The following MFN2 variants were observed in gnomAD, a reference collection of about 807,000 sequenced individuals.
MFN2 encodes mitofusin-2.
A neutral mutation model predicts 87.5 loss-of-function variants in MFN2; 43 were observed. The ratio of observed to expected loss-of-function variants is 0.49; its 90% CI spans 0.38 to 0.63. The LOEUF (loss-of-function observed/expected upper bound fraction) is 0.63. MFN2 is among the 30% of genes least tolerant of loss of function. The pLI, the probability that MFN2 is intolerant of heterozygous loss-of-function variation, is 0.00. For missense variants in MFN2, 743 were observed against 972.8 expected (o/e 0.76, Z 3.14); for synonymous variants, 337 against 359.9 (o/e 0.94, Z 0.72).
At position 12,003,881 on chromosome 1, in the gene MFN2, C is replaced by A; in HGVS notation, c.1161-111C>A. 6.9e-7 allele frequency: 1 copy of A among 1,449,044 alleles called. No individual in the cohort carries two copies. Among genetic ancestry groups the A allele is most frequent in the Non-Finnish European group, 9.7e-7 (1 of 1,035,628 alleles). The allele number at this position is 1,449,044 out of a possible 1,614,324, so 89.8% of individuals were successfully genotyped here. On this transcript the variant is annotated intron_variant, in intron 11 of 18. Coordinates refer to ENST00000235329, the MANE Select transcript of MFN2 (RefSeq NM_014874.4). This position sits in a 1 kb window ranked among gnomAD's most constrained non-coding sequence, Gnocchi z 4.1. ...CATGCCCCTGGGTGCGTGTGTGCAG[C>A]CCTGCCAGGCAAGATAGCGGGCAGG... is the stretch of plus-strand genomic sequence containing the variant.
Position 12,011,819 on chromosome 1 carries a change from GAGTTA to G in MFN2, c.*259_*263del. ...CAGCTATGGACAGCATGGTACCAAG[GAGTTA>G]AGTTGAGGCTTTTTCCAGCTTTCTC... On this transcript the variant is annotated 3_prime_UTR_variant, in exon 19 of 19. Transcript: ENST00000235329. The G allele has an allele frequency of 3.5e-6, 2 of 565,812 alleles. No homozygotes were observed. The highest frequency in any genetic ancestry group is 6.3e-6 in the Non-Finnish European group (2 of 315,558). The allele number at this position is 565,812 out of a possible 1,614,324, so 35.0% of individuals were successfully genotyped here.
rs1175681744 is a variant in MFN2 at position 11,986,414 on chromosome 1, A to G, written c.-4-2751A>G. Reference sequence around the variant, plus strand: ...CCCAGGCACAGTCAGCTGTGCACACACCCCCTCATCCAGGAGGGCCTTTGC... The same window carrying G: ...CCCAGGCACAGTCAGCTGTGCACACGCCCCCTCATCCAGGAGGGCCTTTGC... On this transcript the variant is annotated intron_variant, in intron 2 of 18. Coordinates refer to ENST00000235329, the MANE Select transcript of MFN2 (RefSeq NM_014874.4). 6.4e-4 allele frequency among the ~76,000 whole-genome samples: 97 copies of G among 151,816 alleles called. 3 individuals are homozygous for G. Among genetic ancestry groups the G allele is most frequent in the Non-Finnish European group, 1.2e-4 (8 of 67,938 alleles).
chr1:11,985,832 C>T (rs1314203382), intron 2 of MFN2, among the ~76,000 whole-genome samples: 1 of 152,128 alleles, frequency 6.6e-6, no homozygotes, highest in Non-Finnish European at 1.5e-5. Flanking sequence ...CCCTCTTTCT[C>T]GAACAGTCTG....
chr1:11,997,324 C>T lies in MFN2; in HGVS notation c.502C>T (p.His168Tyr). 6.8e-6 allele frequency: 11 copies of T among 1,614,176 alleles called. No individual in the cohort carries two copies. Among genetic ancestry groups the T allele is most frequent in the Non-Finnish European group, 9.3e-6 (11 of 1,180,030 alleles). ...KTVNQLAHAL[H>Y]QDKQLHAGSL... ...TGTGAACCAGCTGGCCCATGCCCTC[C>T]ACCAGGACAAGCAGCTCCATGCCGG... The change falls in exon 6 of 19, where the codon CAC becomes TAC. Residue 168 changes from histidine (H) to tyrosine (Y), a missense_variant. By Grantham distance (83) the His-to-Tyr change is moderately conservative. Transcript: ENST00000235329.
At chr1:12,006,051 C>T (rs1362050460) in intron 15 of MFN2, 120 bp downstream of exon 15, 15 of 883,068 alleles carry the variant, frequency 1.7e-5, no homozygotes, top group Non-Finnish European at 2.6e-5. Flanking sequence ...TGGTGTGCCC[C>T]ACCACACAGT....
At chr1:11,987,919 C>G (rs1638491863) in intron 2 of MFN2, among the ~76,000 whole-genome samples, 1 of 152,108 alleles carries the variant, frequency 6.6e-6, no homozygotes, top group Non-Finnish European at 1.5e-5. Flanking sequence ...CCACTGCACT[C>G]CAGCCCAGGT....
At chr1:12,009,446 G>C in intron 17 of MFN2, 146 bp from the exon 18 acceptor site, 1 of 1,115,184 alleles carries the variant, frequency 9.0e-7, no homozygotes, top group South Asian at 1.3e-5. Context: ...GGGTGTAGGA[G>C]ATTCTGCCAA....
chr1:12,009,872 G>C (rs1639614609), intron 18 of MFN2, 146 bp downstream of exon 18: 3 of 1,214,738 alleles, frequency 2.5e-6, no homozygotes, highest in African/African-American at 3.0e-5. Flanking sequence ...GTGTACCATG[G>C]GCTGGGCACG....
chr1:11,993,171 TCTA>T lies in MFN2; in HGVS notation c.311+484_311+486del, dbSNP rs374077226. On this transcript the variant is annotated intron_variant, in intron 4 of 18. Coordinates refer to ENST00000235329, the MANE Select transcript of MFN2 (RefSeq NM_014874.4). The stretch of plus-strand genomic sequence containing the variant: ...TGTCCCTTGCCCTGGCCACCACCAT[TCTA>T]CTTTCTGTCCCTATGAATTTGACTA... Among the ~76,000 whole-genome samples, 60 of 152,014 alleles carry T rather than the reference TCTA, an allele frequency of 3.9e-4. No individual in the cohort carries two copies. The East Asian group carries it at 7.7e-3, about 20-fold the overall frequency.
Position 12,001,768 on chromosome 1 carries a change from G to T in MFN2, c.971-1G>T. 1 of 1,614,044 alleles carries T rather than the reference G, an allele frequency of 6.2e-7. No homozygotes were observed. Among genetic ancestry groups the T allele is most frequent in the Non-Finnish European group, 8.5e-7 (1 of 1,179,944 alleles). On this transcript the variant is annotated splice_acceptor_variant, in intron 9 of 18. Coordinates refer to ENST00000235329, the MANE Select transcript of MFN2 (RefSeq NM_014874.4). LOFTEE classifies it high-confidence loss of function. ...GGACTAATGCAGTACAATCCTCCTA[G>T]GGGGCGCTCTCGCAGAAGGCTTTCA...
At chr1:11,991,923 C>CAAAAAAAAAAAAAAAAA (rs35314016) in intron 3 of MFN2, among the ~76,000 whole-genome samples, 1 of 16,728 alleles carries the variant, frequency 6.0e-5, no homozygotes, top group South Asian at 4.3e-3. Flanking sequence ...GACTCCGTCT[C>CAAAAAAAAAAAAAAAAA]AAAAAAAAAA....
intron 17 of MFN2, among the ~76,000 whole-genome samples, chr1:12,007,999 T>G (rs1166830707): frequency 6.6e-6 from 1 of 152,174 alleles, no homozygotes; most frequent in Admixed American, 6.5e-5. Flanking sequence ...AAGCACACCT[T>G]GCACCGCCCT....
chr1:11,989,442 G>T, intron 3 of MFN2, 99 bp downstream of exon 3: 1 of 1,356,038 alleles, frequency 7.4e-7, no homozygotes, highest in Non-Finnish European at 1.0e-6. Flanking sequence ...TCCCAGGGAA[G>T]TCATAACCAG....
At position 12,004,770 on chromosome 1, in the gene MFN2, C is replaced by G; in HGVS notation, c.1393-55C>G. The G allele has an allele frequency of 1.3e-6, 2 of 1,568,142 alleles. No homozygotes were observed. The highest frequency in any genetic ancestry group is 1.8e-6 in the Non-Finnish European group (2 of 1,140,504). ...TTCTGGGGTCACCTGGTGGATGTGG[C>G]CTGAAGGGAATTTTGATGGACATGC... On this transcript the variant is annotated intron_variant, in intron 13 of 18. Transcript: ENST00000235329. This position sits in a 1 kb window ranked among gnomAD's most constrained non-coding sequence, Gnocchi z 4.2.
chr1:12,004,273 CG>C lies in MFN2; in HGVS notation c.1287+158del, dbSNP rs1639304477. ...AGAGCTGCCGTTTGGGTTCCATTGT[CG>C]GGTTGTGTGATGCTGGGCATGTTCC... On this transcript the variant is annotated intron_variant, in intron 12 of 18. Coordinates refer to ENST00000235329, the MANE Select transcript of MFN2 (RefSeq NM_014874.4). This position sits in a 1 kb window ranked among gnomAD's most constrained non-coding sequence, Gnocchi z 4.2. Among the ~76,000 whole-genome samples, 1 of 152,102 alleles carries C rather than the reference CG, an allele frequency of 6.6e-6. No individual in the cohort carries two copies. Among genetic ancestry groups the C allele is most frequent in the Non-Finnish European group, 1.5e-5 (1 of 68,014 alleles).
At chr1:11,991,195 T>C (rs1447212589) in intron 3 of MFN2, among the ~76,000 whole-genome samples, 1 of 152,150 alleles carries the variant, frequency 6.6e-6, no homozygotes, top group African/African-American at 2.4e-5. Context: ...GATCCAAAGG[T>C]CTGCTCACGT....
rs996092302 is a variant in MFN2, at chr1:12,003,721, A to G, written c.1161-271A>G. On this transcript the variant is annotated intron_variant, in intron 11 of 18. Transcript: ENST00000235329. The surrounding 1 kb of genome is among the most constrained non-coding windows in gnomAD (Gnocchi z 4.1). ...CTAGTGAGGTTGAGCTTTTTTCCCT[A>G]TATTAATTGGCAGAATTTGTTTAAA... 6.6e-6 allele frequency among the ~76,000 whole-genome samples: 1 copy of G among 151,660 alleles called. No individual in the cohort carries two copies. The highest frequency in any genetic ancestry group is 6.6e-5 in the Admixed American group (1 of 15,240).
intron 4 of MFN2, among the ~76,000 whole-genome samples, 184 bp from the exon 5 acceptor site, chr1:11,995,972 G>T (rs1638890482): frequency 6.6e-6 from 1 of 152,192 alleles, no homozygotes; most frequent in South Asian, 2.1e-4. Flanking sequence ...CATGTCAGAG[G>T]TTTGGGCCTG....
At chr1:12,006,757 A>G (rs1244831713) in intron 16 of MFN2, 64 bp downstream of exon 16, 3 of 1,606,836 alleles carry the variant, frequency 1.9e-6, no homozygotes, top group African/African-American at 2.7e-5. Context: ...CCTGAGGGCT[A>G]GGTTCCTGCT....
Sources: allele counts gnomAD v4.1 joint callset (sites outside exome capture counted in the v4.1 genomes callset), GRCh38; gene constraint gnomAD v4.1.1; non-coding constraint Gnocchi (gnomAD v3.1); transcripts MANE v1.5; gene names NCBI Gene and HGNC (gene_info 2026-07-23, HGNC 2026-07-21).